Variants in ANXA2 observed in about 807,000 individuals in gnomAD.
ANXA2 encodes the protein annexin A2.
In ANXA2, 28 loss-of-function variants were observed where a neutral mutation model predicts 47.3. The ratio of observed to expected loss-of-function variants is 0.59; its 90% CI spans 0.44 to 0.81. The LOEUF (loss-of-function observed/expected upper bound fraction) is 0.81. Ranked by LOEUF, ANXA2 falls within the 40% of genes least tolerant of loss-of-function variation. ANXA2 has a pLI of 0.00. For synonymous variants in ANXA2, 172 were observed against 155.5 expected (o/e 1.11, Z -0.79); for missense variants, 384 against 414.3 (o/e 0.93, Z 0.64).
chr15:60,393,513 C>T (rs978819236), intron 1 of ANXA2: 3 of 990,986 alleles, frequency 3.0e-6, no homozygotes, highest in African/African-American at 3.5e-5. Context: ...CCTTAAATAT[C>T]TTCTATACAC....
intron 3 of ANXA2, among the ~76,000 whole-genome samples, chr15:60,371,022 A>C (rs893194807): frequency 6.6e-6 from 1 of 152,202 alleles, no homozygotes; most frequent in Non-Finnish European, 1.5e-5. Context: ...TGATCCAGGC[A>C]GATTTTTTAC....
At chr15:60,377,828 C>T (rs1566944239) in intron 3 of ANXA2, among the ~76,000 whole-genome samples, 1 of 151,962 alleles carries the variant, frequency 6.6e-6, no homozygotes, top group South Asian at 2.1e-4. Flanking sequence ...GATTTCACAC[C>T]TGTAATCCCA....
At chr15:60,357,649 T>C (rs529546475) in intron 5 of ANXA2, among the ~76,000 whole-genome samples, 107 of 152,096 alleles carry the variant, frequency 7.0e-4, no homozygotes, top group African/African-American at 2.5e-3. Context: ...AAAAATTAGC[T>C]GGGCATGGTA....
In ANXA2 at chr15:60,349,541, G is replaced by A. The variant is rs373173119; in HGVS notation, c.838-344C>T. On this transcript the variant is annotated intron_variant, in intron 11 of 12. Coordinates refer to ENST00000451270, the MANE Select transcript of ANXA2 (RefSeq NM_004039.3). Reference sequence around the variant, plus strand: ...ATATTACAAAATCAAAAATAAATCTGAGATATAAAACATTCCTGGTCCCAA... The same window carrying A: ...ATATTACAAAATCAAAAATAAATCTAAGATATAAAACATTCCTGGTCCCAA... Among the ~76,000 whole-genome samples, 8 of 152,138 alleles carry A rather than the reference G, an allele frequency of 5.3e-5. No individual in the cohort carries two copies. In the South Asian group the frequency reaches 1.7e-3, roughly 32 times the overall value.
At chr15:60,372,554 T>A (rs890332926) in intron 3 of ANXA2, among the ~76,000 whole-genome samples, 1 of 152,166 alleles carries the variant, frequency 6.6e-6, no homozygotes, top group African/African-American at 2.4e-5. Context: ...TGCTACTTAC[T>A]ACTGATTTGG....
rs943470018 is a variant in ANXA2, at chr15:60,395,342, G to T, written c.-12+2601C>A. On this transcript the variant is annotated intron_variant, in intron 1 of 12. Coordinates refer to ENST00000451270, the MANE Select transcript of ANXA2 (RefSeq NM_004039.3). ...CATAACTATGAGTGGAACACAGTAG[G>T]TAATTAATATTTTGTGGAATAAATG... is the stretch of plus-strand genomic sequence containing the variant. 2.0e-5 allele frequency among the ~76,000 whole-genome samples: 3 copies of T among 152,300 alleles called. No individual in the cohort carries two copies. The South Asian group carries it at 6.2e-4, about 32-fold the overall frequency.
At chr15:60,361,129 G>A (rs2062506429) in intron 4 of ANXA2, 75 bp from the exon 5 acceptor site, 1 of 1,021,402 alleles carries the variant, frequency 9.8e-7, no homozygotes, top group Admixed American at 1.9e-5. Flanking sequence ...AAAGTAAGAG[G>A]GATCTTTTTG....
At chr15:60,370,109 G>A (rs2062692603) in intron 3 of ANXA2, among the ~76,000 whole-genome samples, 2 of 152,176 alleles carry the variant, frequency 1.3e-5, no homozygotes, top group Admixed American at 1.3e-4. Flanking sequence ...ATAGTCTAAA[G>A]GAATCAAAAT....
rs751723439 is a variant in ANXA2, at chr15:60,361,066, C to T, written c.244-12G>A. 1.3e-6 allele frequency: 2 copies of T among 1,538,100 alleles called. No homozygotes were observed. The highest frequency in any genetic ancestry group is 3.3e-5 in the Admixed American group (2 of 59,854). ...GCTGATGCAAGTTCCTTCAAGATAA[C>T]AGGCAATCATAAGGAAAATATTTAT... On this transcript the variant is annotated splice_polypyrimidine_tract_variant and intron_variant, in intron 4 of 12. Coordinates refer to ENST00000451270, the MANE Select transcript of ANXA2 (RefSeq NM_004039.3).
chr15:60,374,855 C>T (rs1595692065), intron 3 of ANXA2, among the ~76,000 whole-genome samples: 1 of 152,184 alleles, frequency 6.6e-6, no homozygotes, highest in Non-Finnish European at 1.5e-5. Flanking sequence ...GGGAAGGGTC[C>T]GTTCCCTCCC....
intron 6 of ANXA2, among the ~76,000 whole-genome samples, chr15:60,356,315 T>C (rs888365213): frequency 6.6e-5 from 10 of 152,150 alleles, no homozygotes; most frequent in African/African-American, 2.4e-4. Context: ...TGAGTACTTG[T>C]TCTGAACATC....
intron 2 of ANXA2, chr15:60,383,470 A>G: frequency 6.6e-6 from 1 of 152,246 alleles, no homozygotes; most frequent in East Asian, 1.9e-4. Context: ...CTGATCTGAC[A>G]GATGGGAATC....
At chr15:60,370,838 T>A (rs1168297289) in intron 3 of ANXA2, among the ~76,000 whole-genome samples, 1 of 152,124 alleles carries the variant, frequency 6.6e-6, no homozygotes, top group Non-Finnish European at 1.5e-5. Flanking sequence ...ACTGTGTGGG[T>A]GGGGCGAGGG....
chr15:60,387,046 T>G (rs1419240191), intron 1 of ANXA2: 1 of 152,224 alleles, frequency 6.6e-6, no homozygotes, highest in Non-Finnish European at 1.5e-5. Flanking sequence ...TCTATTCTCT[T>G]CACTTTGTTT....
intron 3 of ANXA2, among the ~76,000 whole-genome samples, chr15:60,381,060 G>A (rs982782654): frequency 6.6e-6 from 1 of 152,112 alleles, no homozygotes; most frequent in Non-Finnish European, 1.5e-5. Flanking sequence ...TAGGAAAGGT[G>A]ACCATGTAAT....
intron 12 of ANXA2, among the ~76,000 whole-genome samples, chr15:60,348,667 C>A (rs1895840853): frequency 6.6e-6 from 1 of 151,566 alleles, no homozygotes; most frequent in Non-Finnish European, 1.5e-5. Context: ...ATGGTGTGAA[C>A]CCAGAAGTCG....
chr15:60,366,804 G>T (rs1268115876), intron 3 of ANXA2, among the ~76,000 whole-genome samples: 57 of 40,006 alleles, frequency 1.4e-3, no homozygotes, highest in Non-Finnish European at 2.4e-3. Context: ...GAGGGAGGCG[G>T]GGGGGGGGGG....
chr15:60,393,593 A>T, intron 1 of ANXA2: 1 of 985,428 alleles, frequency 1.0e-6, no homozygotes, highest in Non-Finnish European at 1.2e-6. Flanking sequence ...AAACACGCTC[A>T]GCACTTTCTA....
intron 1 of ANXA2, chr15:60,387,030 C>T (rs2062942403): frequency 2.0e-5 from 3 of 152,210 alleles, no homozygotes; most frequent in African/African-American, 7.2e-5. Flanking sequence ...CATGCAAATA[C>T]AGCTTTCTAT....
Sources: gnomAD v4.1 joint callset for allele counts (sites outside exome capture counted in the v4.1 genomes callset) on GRCh38, gnomAD v4.1.1 for gene constraint, MANE v1.5 for transcripts, NCBI Gene and HGNC (gene_info 2026-07-23, HGNC 2026-07-21) for gene names.